The following BLCAP variants were observed in gnomAD, a reference collection of about 807,000 sequenced individuals.
BLCAP encodes the protein apoptosis inducing factor BLCAP.
Under a neutral mutation model 5.7 loss-of-function variants are expected in BLCAP, and 1 was observed. The observed-to-expected ratio is 0.18, with a 90% CI of 0.06 to 0.83. The LOEUF (loss-of-function observed/expected upper bound fraction) is 0.83. Among genes scored for constraint, BLCAP ranks in the 40% least tolerant of loss-of-function variants. The probability of loss-of-function intolerance (pLI) is 0.71; values close to 1 mark genes in which losing one functional copy is unlikely to be tolerated. For missense variants in BLCAP, 66 were observed against 107.6 expected (o/e 0.61, Z 1.71); for synonymous variants, 48 against 49.4 (o/e 0.97, Z 0.11).
intron 1 of BLCAP, among the ~76,000 whole-genome samples, chr20:37,527,226 T>C (rs2071737971): frequency 1.3e-5 from 2 of 152,090 alleles, no homozygotes; most frequent in African/African-American, 4.8e-5. Flanking sequence ...AGGGAAGGGA[T>C]GTCCACCCTT....
intron 1 of BLCAP, chr20:37,522,684 G>A (rs1237619406): frequency 6.2e-7 from 1 of 1,612,020 alleles, no homozygotes; most frequent in Non-Finnish European, 8.5e-7. Flanking sequence ...GGTACTCCCT[G>A]CAGAAGCTGG....
At chr20:37,523,461 C>G (rs1431638146) in intron 1 of BLCAP, 7 of 149,844 alleles carry the variant, frequency 4.7e-5, no homozygotes, top group Admixed American at 3.3e-4. Context: ...TTTCTCTGAA[C>G]CCCCCTTGCC....
In BLCAP at chr20:37,521,497, T is replaced by A. The variant is rs1156845782; in HGVS notation, c.-176-2147A>T. The A allele has an allele frequency of 2.3e-6, 3 of 1,280,288 alleles. No individual in the cohort carries two copies. In the African/African-American group the frequency reaches 4.4e-5, roughly 19 times the overall value. The allele number at this position is 1,280,288 out of a possible 1,614,324, so 79.3% of individuals were successfully genotyped here. A position where few individuals can be genotyped will look rare whatever the true frequency, so the allele number is the denominator to read the frequency against. On this transcript the variant is annotated intron_variant, in intron 1 of 1. Coordinates refer to ENST00000373537, the MANE Select transcript of BLCAP (RefSeq NM_006698.4). The surrounding 1 kb of genome is among the most constrained non-coding windows in gnomAD (Gnocchi z 4.5). ...TCGCGATTGCCGCTTCCCGGACCCG[T>A]CCTATTCCGATTGCCGCGATCCTTG... is the stretch of plus-strand genomic sequence containing the variant.
chr20:37,518,735 G>T lies in BLCAP; in HGVS notation c.*176C>A. 1.1e-6 allele frequency: 1 copy of T among 902,866 alleles called. No homozygotes were observed. The highest frequency in any genetic ancestry group is 1.6e-6 in the Non-Finnish European group (1 of 607,110). The allele number at this position is 902,866 out of a possible 1,614,324, so 55.9% of individuals were successfully genotyped here. A position where few individuals can be genotyped will look rare whatever the true frequency, so the allele number is the denominator to read the frequency against. On this transcript the variant is annotated 3_prime_UTR_variant, in exon 2 of 2. Coordinates refer to ENST00000373537, the MANE Select transcript of BLCAP (RefSeq NM_006698.4). ...ACGACTATAGGACTTTACAATAAAA[G>T]CACCGGTCAGTGCCATTATTCACAT...
rs759159558 is a variant in BLCAP, at chr20:37,518,886, C to T, written c.*25G>A. 2 of 1,611,080 alleles carry T rather than the reference C, an allele frequency of 1.2e-6. No individual in the cohort carries two copies. Among genetic ancestry groups the T allele is most frequent in the Non-Finnish European group, 1.7e-6 (2 of 1,178,312 alleles). ...TGCCTCCCCTCCCGTCTTCTGCTTCCTTGGAAAGCTAACAGGGCAGGCCGT... is the reference window on the plus strand; with the variant it reads ...TGCCTCCCCTCCCGTCTTCTGCTTCTTTGGAAAGCTAACAGGGCAGGCCGT... On this transcript the variant is annotated 3_prime_UTR_variant, in exon 2 of 2. Coordinates refer to ENST00000373537, the MANE Select transcript of BLCAP (RefSeq NM_006698.4).
In BLCAP at chr20:37,519,084, A is replaced by G; in HGVS notation, c.91T>C (p.Phe31Leu). ...LWFSHSMFMG[F>L]YLLSFLLERK... The stretch of plus-strand genomic sequence containing the variant: ...TCCAGGAGGAAGCTGAGCAGGTAGA[A>G]GCCCATGAACATGGAGTGGCTGAAC... Residue 31 changes from phenylalanine (F) to leucine (L), a missense_variant, in exon 2 of 2, where the codon TTC (phenylalanine) becomes CTC (leucine). Transcript: ENST00000373537. 3 of 1,614,090 alleles carry G rather than the reference A, an allele frequency of 1.9e-6. No homozygotes were observed. Among genetic ancestry groups the G allele is most frequent in the Non-Finnish European group, 2.5e-6 (3 of 1,180,006 alleles).
At chr20:37,524,662 A>T (rs2071689964) in intron 1 of BLCAP, 1 of 152,274 alleles carries the variant, frequency 6.6e-6, no homozygotes, top group Non-Finnish European at 1.5e-5. Flanking sequence ...AGCTGTCACA[A>T]ATACTTCTGA....
intron 1 of BLCAP, among the ~76,000 whole-genome samples, chr20:37,523,850 A>G (rs1425238276): frequency 6.6e-6 from 1 of 152,126 alleles, no homozygotes; most frequent in Non-Finnish European, 1.5e-5. Context: ...CCCCATCTCA[A>G]TGCTGTCCTG....
rs533887780 is a variant in BLCAP, at chr20:37,521,072, G to T, written c.-176-1722C>A. 21 of 544,774 alleles carry T rather than the reference G, an allele frequency of 3.9e-5. No individual in the cohort carries two copies. The highest frequency in any genetic ancestry group is 1.9e-4 in the Admixed American group (6 of 31,414). 33.7% of individuals were successfully genotyped at this position (544,774 alleles called of 1,614,324 possible). A position where few individuals can be genotyped will look rare whatever the true frequency, so the allele number is the denominator to read the frequency against. On this transcript the variant is annotated intron_variant, in intron 1 of 1. Transcript: ENST00000373537. The surrounding 1 kb of genome is among the most constrained non-coding windows in gnomAD (Gnocchi z 4.5). The stretch of plus-strand genomic sequence containing the variant: ...GCACGGCGGAATCTTCTGGAAGGGG[G>T]CTAAGATGGAACTCAGGAGGCGGGG...
At position 37,521,480 on chromosome 20, in the gene BLCAP, G is replaced by A. The variant is rs2071570240; in HGVS notation, c.-176-2130C>T. 7.0e-7 allele frequency: 1 copy of A among 1,420,436 alleles called. No homozygotes were observed. The highest frequency in any genetic ancestry group is 1.4e-5 in the African/African-American group (1 of 71,132). The allele number at this position is 1,420,436 out of a possible 1,614,324, so 88.0% of individuals were successfully genotyped here. ...GAACCCGCAAGACTGCGTCGCGATTGCCGCTTCCCGGACCCGTCCTATTCC... is the reference window on the plus strand; with the variant it reads ...GAACCCGCAAGACTGCGTCGCGATTACCGCTTCCCGGACCCGTCCTATTCC... On this transcript the variant is annotated intron_variant, in intron 1 of 1. Transcript: ENST00000373537. The surrounding 1 kb of genome is among the most constrained non-coding windows in gnomAD (Gnocchi z 4.5).
In BLCAP at chr20:37,521,102, G is replaced by A. The variant is rs762600741; in HGVS notation, c.-176-1752C>T. 1.7e-5 allele frequency: 10 copies of A among 574,808 alleles called. No individual in the cohort carries two copies. Among genetic ancestry groups the A allele is most frequent in the African/African-American group, 3.8e-5 (2 of 53,010 alleles). The allele number at this position is 574,808 out of a possible 1,614,324, so 35.6% of individuals were successfully genotyped here. ...GATGGAACTCAGGAGGCGGGGGTCGGTATGGAAAGAGCAGATGGATTATTT... is the reference window on the plus strand; with the variant it reads ...GATGGAACTCAGGAGGCGGGGGTCGATATGGAAAGAGCAGATGGATTATTT... On this transcript the variant is annotated intron_variant, in intron 1 of 1. Coordinates refer to ENST00000373537, the MANE Select transcript of BLCAP (RefSeq NM_006698.4). The surrounding 1 kb of genome is among the most constrained non-coding windows in gnomAD (Gnocchi z 4.5).
rs1335650744 is a variant in BLCAP, at chr20:37,521,997, G to A, written c.-176-2647C>T. On this transcript the variant is annotated intron_variant, in intron 1 of 1. Coordinates refer to ENST00000373537, the MANE Select transcript of BLCAP (RefSeq NM_006698.4). The surrounding 1 kb of genome is among the most constrained non-coding windows in gnomAD (Gnocchi z 4.5). ...TGCAGGAAAAATAAATCGGAGAAAA[G>A]CACTTGGCAGAAAAAAATGCATTAG... Among the ~76,000 whole-genome samples, 2 of 149,404 alleles carry A rather than the reference G, an allele frequency of 1.3e-5. No homozygotes were observed. Among genetic ancestry groups the A allele is most frequent in the Non-Finnish European group, 3.0e-5 (2 of 67,486 alleles).
At chr20:37,523,888 C>G (rs1194966496) in intron 1 of BLCAP, among the ~76,000 whole-genome samples, 1 of 152,160 alleles carries the variant, frequency 6.6e-6, no homozygotes, top group Non-Finnish European at 1.5e-5. Context: ...CCCCTCTCCC[C>G]AAAGAGAAAG....
intron 1 of BLCAP, chr20:37,520,138 A>G (rs2071515244): frequency 6.6e-6 from 1 of 152,266 alleles, no homozygotes; most frequent in African/African-American, 2.4e-5. Flanking sequence ...TTAATTTTCT[A>G]TCCACATAGG....
intron 1 of BLCAP, chr20:37,522,932 A>G: frequency 1.7e-6 from 1 of 587,766 alleles, no homozygotes; most frequent in Non-Finnish European, 3.0e-6. Context: ...AGTACCGACA[A>G]TGACGAAGAT....
chr20:37,523,753 C>T (rs2071671611), intron 1 of BLCAP: 1 of 152,384 alleles, frequency 6.6e-6, no homozygotes, highest in Non-Finnish European at 1.5e-5. Context: ...GCTGATGTGC[C>T]CACTGTGGAA....
chr20:37,526,282 C>A (rs1601100772), intron 1 of BLCAP, among the ~76,000 whole-genome samples: 1 of 106,830 alleles, frequency 9.4e-6, no homozygotes, highest in Non-Finnish European at 2.1e-5. Flanking sequence ...CCCCCCCCCA[C>A]CGCCCCCACC....
chr20:37,524,189 C>T (rs1401203290), intron 1 of BLCAP, among the ~76,000 whole-genome samples: 2 of 152,130 alleles, frequency 1.3e-5, no homozygotes, highest in African/African-American at 2.4e-5. Flanking sequence ...AGAGGTGCAG[C>T]GTGGCGCCTT....
rs2071456839 is a variant in BLCAP, at chr20:37,518,655, T to C, written c.*256A>G. The C allele has an allele frequency of 3.9e-6, 2 of 514,772 alleles. No homozygotes were observed. Among genetic ancestry groups the C allele is most frequent in the Non-Finnish European group, 3.5e-6 (1 of 289,306 alleles). The allele number at this position is 514,772 out of a possible 1,614,324, so 31.9% of individuals were successfully genotyped here. On this transcript the variant is annotated 3_prime_UTR_variant, in exon 2 of 2. Coordinates refer to ENST00000373537, the MANE Select transcript of BLCAP (RefSeq NM_006698.4). Reference sequence around the variant, plus strand: ...AGTAATGAGGCGAGAGGGGTGGTCATGCGGCCAGCCAGGACCTAGATGGGG... The same window carrying C: ...AGTAATGAGGCGAGAGGGGTGGTCACGCGGCCAGCCAGGACCTAGATGGGG...
Sources: gnomAD v4.1 joint callset for allele counts (sites outside exome capture counted in the v4.1 genomes callset) on GRCh38, gnomAD v4.1.1 for gene constraint, Gnocchi (gnomAD v3.1) non-coding constraint, MANE v1.5 for transcripts, NCBI Gene and HGNC (gene_info 2026-07-23, HGNC 2026-07-21) for gene names.